Variants in CMTM3 observed in about 807,000 individuals in gnomAD.
The protein encoded by CMTM3 is CKLF-like MARVEL transmembrane domain-containing protein 3.
CMTM3 carries 7 observed loss-of-function variants against 18.2 expected under a neutral mutation model. That is an observed-to-expected ratio of 0.38 (90% CI 0.22 to 0.72). The LOEUF (loss-of-function observed/expected upper bound fraction) is 0.72, where lower values mean the gene tolerates loss of function less well. Among genes scored for constraint, CMTM3 ranks in the 30% least tolerant of loss-of-function variants. The pLI is 0.46. For missense variants in CMTM3, 227 were observed against 249.2 expected, an observed-to-expected ratio of 0.91 and a Z score of 0.60; for synonymous variants, 109 against 111.2, an observed-to-expected ratio of 0.98 and a Z score of 0.12.
In CMTM3 at chr16:66,613,286, C is replaced by T. The variant is rs1388545774; in HGVS notation, c.*649C>T. 1.3e-5 allele frequency: 8 copies of T among 625,960 alleles called. No homozygotes were observed. The African/African-American group carries it at 1.5e-4, about 11-fold the overall frequency. The allele number at this position is 625,960 out of a possible 1,614,324, so 38.8% of individuals were successfully genotyped here. Reference sequence around the variant, plus strand: ...GTCTTCTGGGGGTGAGATGACCATTCTGGGTCTAAGACTGTTTCAAAGAAG... The same window carrying T: ...GTCTTCTGGGGGTGAGATGACCATTTTGGGTCTAAGACTGTTTCAAAGAAG... On this transcript the variant is annotated 3_prime_UTR_variant, in exon 5 of 5. Transcript: ENST00000567572.
At position 66,613,084 on chromosome 16, in the gene CMTM3, T is replaced by C. The variant is rs1328733933; in HGVS notation, c.*447T>C. On this transcript the variant is annotated 3_prime_UTR_variant, in exon 5 of 5. Transcript: ENST00000567572. ...CAGGCCCCGGTGGGTTTGTCTGCAC[T>C]TGGTGCTCCTGCCCACACCAGCCAC... The C allele has an allele frequency of 1.4e-6, 1 of 703,034 alleles. No individual in the cohort carries two copies. The allele number at this position is 703,034 out of a possible 1,614,324, so 43.5% of individuals were successfully genotyped here.
At chr16:66,604,698 C>A, upstream of CMTM3, 1 of 882,202 alleles carries the variant, frequency 1.1e-6, no homozygotes, top group Non-Finnish European at 1.5e-6. Flanking sequence ...CGCCCCTGCG[C>A]GAGCCAGTGT....
chr16:66,607,603 A>T (rs1180142692), intron 1 of CMTM3, among the ~76,000 whole-genome samples: 10 of 152,346 alleles, frequency 6.6e-5, no homozygotes, highest in Admixed American at 6.5e-4. Context: ...TTCAAGGTGA[A>T]ATCTACATTC....
intron 1 of CMTM3, among the ~76,000 whole-genome samples, chr16:66,607,748 T>C (rs1438580497): frequency 6.6e-6 from 1 of 151,966 alleles, no homozygotes; most frequent in African/African-American, 2.4e-5. Flanking sequence ...CTAGGTCCTG[T>C]CAGGGAGCTG....
intron 1 of CMTM3, among the ~76,000 whole-genome samples, chr16:66,607,583 G>A (rs888112187): frequency 3.3e-5 from 5 of 152,182 alleles, no homozygotes; most frequent in African/African-American, 1.2e-4. Context: ...AAGGTTCAAG[G>A]TTTTTTCTTT....
rs1474006750 is a variant in CMTM3, at chr16:66,613,464, T to G, written c.*827T>G. On this transcript the variant is annotated 3_prime_UTR_variant, in exon 5 of 5. Transcript: ENST00000567572. ...TTCCTGGACCCTCAGGACAGTGAAC[T>G]TCCAGACCTCAGGGCAGGTCTATGG... The G allele has an allele frequency of 2.4e-5, 7 of 295,618 alleles. No homozygotes were observed. Among genetic ancestry groups the G allele is most frequent in the Non-Finnish European group, 4.5e-5 (7 of 156,280 alleles). 18.3% of individuals were successfully genotyped at this position (295,618 alleles called of 1,614,324 possible). A position where few individuals can be genotyped will look rare whatever the true frequency, so the allele number is the denominator to read the frequency against.
At chr16:66,606,025 C>A (rs1208523519) in intron 1 of CMTM3, among the ~76,000 whole-genome samples, 3 of 152,064 alleles carry the variant, frequency 2.0e-5, no homozygotes, top group Admixed American at 6.5e-5. Context: ...TGGCTTGAAC[C>A]CCCCCATCCC....
chr16:66,612,747 G>A lies in CMTM3; in HGVS notation c.*110G>A, dbSNP rs903625941. On this transcript the variant is annotated 3_prime_UTR_variant, in exon 5 of 5. Transcript: ENST00000567572. The surrounding 1 kb of genome is among the most constrained non-coding windows in gnomAD (Gnocchi z 6.0). ...CCTGGACTTCTGAGTTGCAGAGGGG[G>A]CTGCGGACACAGCAGGCCCCCTACA... The A allele has an allele frequency of 2.1e-5, 23 of 1,087,156 alleles. No homozygotes were observed. Among genetic ancestry groups the A allele is most frequent in the Non-Finnish European group, 2.7e-5 (20 of 732,090 alleles). 67.3% of individuals were successfully genotyped at this position (1,087,156 alleles called of 1,614,324 possible). A position where few individuals can be genotyped will look rare whatever the true frequency, so the allele number is the denominator to read the frequency against.
chr16:66,604,710 G>T lies in CMTM3; in HGVS notation c.-96G>T. 4.0e-6 allele frequency: 4 copies of T among 996,402 alleles called. 1 individual carries two copies. Among genetic ancestry groups the T allele is most frequent in the Non-Finnish European group, 5.1e-6 (4 of 782,062 alleles). The allele number at this position is 996,402 out of a possible 1,614,324, so 61.7% of individuals were successfully genotyped here. A position where few individuals can be genotyped will look rare whatever the true frequency, so the allele number is the denominator to read the frequency against. ...ATGCGCCCCTGCGCGAGCCAGTGTC[G>T]CCTGCCCTCCTTCCGCACAGCCCGG... is the stretch of plus-strand genomic sequence containing the variant. On this transcript the variant is annotated 5_prime_UTR_variant, in exon 1 of 5. Transcript: ENST00000567572.
Position 66,613,069 on chromosome 16 carries a change from T to G in CMTM3, c.*432T>G, listed in dbSNP as rs2015444266. On this transcript the variant is annotated 3_prime_UTR_variant, in exon 5 of 5. Transcript: ENST00000567572. ...ACAGGGCTGCCCCGCCAGGCCCCGG[T>G]GGGTTTGTCTGCACTTGGTGCTCCT... 1 of 702,840 alleles carries G rather than the reference T, an allele frequency of 1.4e-6. No homozygotes were observed. The allele number at this position is 702,840 out of a possible 1,614,324, so 43.5% of individuals were successfully genotyped here.
chr16:66,604,981 C>G (rs1415864509), intron 1 of CMTM3, 29 bp downstream of exon 1: 3 of 1,453,750 alleles, frequency 2.1e-6, no homozygotes, highest in South Asian at 1.4e-5. Flanking sequence ...TCGGCCGCCC[C>G]GCTAGGACTG....
chr16:66,604,254 G>A (rs1203534036), upstream of CMTM3: 1 of 152,316 alleles, frequency 6.6e-6, no homozygotes, highest in Non-Finnish European at 1.5e-5. Flanking sequence ...CCAACAAAGA[G>A]GCCCTGGAGG....
chr16:66,604,732 C>A lies in CMTM3; in HGVS notation c.-74C>A, dbSNP rs1324309458. ...GTCGCCTGCCCTCCTTCCGCACAGC[C>A]CGGGTTTCCGCTTCCCTCCGGGCGC... is the stretch of plus-strand genomic sequence containing the variant. On this transcript the variant is annotated 5_prime_UTR_variant, in exon 1 of 5. Transcript: ENST00000567572. 1 of 1,142,332 alleles carries A rather than the reference C, an allele frequency of 8.8e-7. No homozygotes were observed. The highest frequency in any genetic ancestry group is 1.1e-6 in the Non-Finnish European group (1 of 912,436). The allele number at this position is 1,142,332 out of a possible 1,614,324, so 70.8% of individuals were successfully genotyped here.
intron 1 of CMTM3, among the ~76,000 whole-genome samples, chr16:66,607,105 G>A (rs2015186367): frequency 6.6e-6 from 1 of 152,236 alleles, no homozygotes; most frequent in South Asian, 2.1e-4. Flanking sequence ...AAGTGGGGCT[G>A]TGCTCATGGG....
rs1193516021 is a variant in CMTM3, at chr16:66,608,310, G to T, written c.149G>T (p.Gly50Val). 1 of 1,614,170 alleles carries T rather than the reference G, an allele frequency of 6.2e-7. No homozygotes were observed. Among genetic ancestry groups the T allele is most frequent in the African/African-American group, 1.3e-5 (1 of 75,048 alleles). Reference protein sequence around the residue: ...LKGRLLLAESGLSFITFICYV... With the variant: ...LKGRLLLAESVLSFITFICYV... Reference sequence around the variant, plus strand: ...TCACCTCAAACTCCTTCCCCGCAGGGTCTCTCATTCATCACTTTTATCTGC... The same window carrying T: ...TCACCTCAAACTCCTTCCCCGCAGGTTCTCTCATTCATCACTTTTATCTGC... Residue 50 changes from glycine to valine, a missense_variant and splice_region_variant, in exon 2 of 5, where the codon GGT (glycine) becomes GTT (valine). Gly to Val is a moderately radical substitution (Grantham distance 109). Coordinates refer to ENST00000567572, the MANE Select transcript of CMTM3 (RefSeq NM_181553.4). This position sits in a 1 kb window ranked among gnomAD's most constrained non-coding sequence, Gnocchi z 5.1.
chr16:66,604,521 G>A, upstream of CMTM3: 1 of 266,012 alleles, frequency 3.8e-6, no homozygotes, highest in East Asian at 6.6e-5. Flanking sequence ...GTGATCGGGA[G>A]GTCTCCAGCG....
At chr16:66,607,149 C>T (rs1227061852) in intron 1 of CMTM3, among the ~76,000 whole-genome samples, 1 of 152,234 alleles carries the variant, frequency 6.6e-6, no homozygotes. Context: ...GCCCGTGAGC[C>T]TCAGGGTACC....
chr16:66,604,819 A>G lies in CMTM3; in HGVS notation c.14A>G (p.Asp5Gly). ...GCCGCCGCCGCCATGTGGCCCCCAG[A>G]CCCCGACCCCGACCCGGACCCCGAG... MWPP[D>G]PDPDPDPEPA... is the part of the protein sequence containing the mutation. Residue 5 changes from aspartate to glycine, a missense_variant, in exon 1 of 5, where the codon GAC becomes GGC. Physicochemically the swap from Asp to Gly is moderately conservative, Grantham distance 94 (BLOSUM62 -1). Transcript: ENST00000567572. The G allele has an allele frequency of 7.8e-7, 1 of 1,282,402 alleles. No homozygotes were observed. Among genetic ancestry groups the G allele is most frequent in the Non-Finnish European group, 9.8e-7 (1 of 1,020,186 alleles). 79.4% of individuals were successfully genotyped at this position (1,282,402 alleles called of 1,614,324 possible). A position where few individuals can be genotyped will look rare whatever the true frequency, so the allele number is the denominator to read the frequency against.
At position 66,612,467 on chromosome 16, in the gene CMTM3, G is replaced by A. The variant is rs940614254; in HGVS notation, c.521-142G>A. On this transcript the variant is annotated intron_variant, in intron 4 of 4. Coordinates refer to ENST00000567572, the MANE Select transcript of CMTM3 (RefSeq NM_181553.4). This position sits in a 1 kb window ranked among gnomAD's most constrained non-coding sequence, Gnocchi z 6.0. Reference sequence around the variant, plus strand: ...GCCCGCGGCCTGCCCTGATGCCAGCGATCACTGGGAACGGTAGAGTCAGCT... The same window carrying A: ...GCCCGCGGCCTGCCCTGATGCCAGCAATCACTGGGAACGGTAGAGTCAGCT... 2.6e-5 allele frequency: 20 copies of A among 765,482 alleles called. No individual in the cohort carries two copies. In the Middle Eastern group the frequency reaches 8.5e-4, roughly 32 times the overall value. The allele number at this position is 765,482 out of a possible 1,614,324, so 47.4% of individuals were successfully genotyped here.
Sources: gnomAD v4.1 joint callset for allele counts (sites outside exome capture counted in the v4.1 genomes callset) on GRCh38, gnomAD v4.1.1 for gene constraint, Gnocchi (gnomAD v3.1) non-coding constraint, MANE v1.5 for transcripts, NCBI Gene and HGNC (gene_info 2026-07-23, HGNC 2026-07-21) for gene names.